The following SYN3 variants were observed in gnomAD, a reference collection of about 807,000 sequenced individuals.
SYN3 encodes synapsin III.
SYN3 carries 35 observed loss-of-function variants against 65.8 expected under a neutral mutation model. The observed-to-expected ratio is 0.53, with a 90% CI of 0.41 to 0.70. The LOEUF is 0.70. SYN3 is among the 30% of genes least tolerant of loss of function. SYN3 has a pLI of 0.00. For missense variants in SYN3, 680 were observed against 749.0 expected, an observed-to-expected ratio of 0.91 and a Z score of 1.08; for synonymous variants, 270 against 292.9, an observed-to-expected ratio of 0.92 and a Z score of 0.80.
chr22:32,815,997 C>T (rs1308200791), intron 6 of SYN3, among the ~76,000 whole-genome samples: 2 of 152,162 alleles, frequency 1.3e-5, no homozygotes, highest in Non-Finnish European at 2.9e-5. Flanking sequence ...AGGAACAGAA[C>T]AGGGAGGTTT....
chr22:32,676,549 T>C (rs1258184376), intron 6 of SYN3, among the ~76,000 whole-genome samples: 2 of 114,600 alleles, frequency 1.7e-5, no homozygotes, highest in Non-Finnish European at 3.7e-5. Context: ...TTTTTTTTTT[T>C]TTTTTTTTGA....
chr22:32,782,256 C>T (rs187717632), intron 6 of SYN3, among the ~76,000 whole-genome samples: 5 of 151,654 alleles, frequency 3.3e-5, no homozygotes, highest in East Asian at 2.0e-4. Context: ...TTAATAGAGA[C>T]GGGGTTTTAC....
chr22:32,602,394 C>T (rs567904554), intron 6 of SYN3, among the ~76,000 whole-genome samples: 3 of 152,270 alleles, frequency 2.0e-5, no homozygotes, highest in African/African-American at 4.8e-5. Context: ...ACACTGTATA[C>T]ACCCCTCCTC....
At chr22:32,763,607 A>G (rs2045545633) in intron 6 of SYN3, among the ~76,000 whole-genome samples, 1 of 152,220 alleles carries the variant, frequency 6.6e-6, no homozygotes, top group Non-Finnish European at 1.5e-5. Flanking sequence ...GACAGTCTGC[A>G]TGCTGGTAGC....
intron 6 of SYN3, among the ~76,000 whole-genome samples, chr22:32,767,015 C>T (rs2045643896): frequency 1.3e-5 from 2 of 152,168 alleles, no homozygotes; most frequent in South Asian, 2.1e-4. Flanking sequence ...GTTCTTACAT[C>T]TCTCCCTCCC....
intron 6 of SYN3, among the ~76,000 whole-genome samples, chr22:32,598,790 AG>A (rs756948007): frequency 3.3e-5 from 5 of 151,278 alleles, no homozygotes; most frequent in Middle Eastern, 3.4e-3. Context: ...GCCCAGCCAT[AG>A]TTTTTTTTTT....
intron 3 of SYN3, among the ~76,000 whole-genome samples, chr22:32,939,338 G>C (rs868532112): frequency 6.6e-6 from 1 of 152,138 alleles, no homozygotes; most frequent in Non-Finnish European, 1.5e-5. Flanking sequence ...AGGTAAGGAT[G>C]TACATTTTAA....
At chr22:32,682,772 G>A (rs990406360) in intron 6 of SYN3, among the ~76,000 whole-genome samples, 2 of 151,998 alleles carry the variant, frequency 1.3e-5, no homozygotes, top group Admixed American at 1.3e-4. Context: ...TTCACCAATA[G>A]GGTGGATGCC....
intron 6 of SYN3, among the ~76,000 whole-genome samples, chr22:32,650,236 TCCCTCCC>T (rs2060045223): frequency 1.1e-4 from 9 of 82,056 alleles, no homozygotes; most frequent in South Asian, 9.2e-4. Flanking sequence ...TCTCTCTCCC[TCCCTCCC>T]TCCCTCCCTC....
chr22:32,759,877 CACCCACCAACCAGCAGCCAGT>C (rs1226700281), intron 6 of SYN3, among the ~76,000 whole-genome samples: 3 of 83,408 alleles, frequency 3.6e-5, no homozygotes, highest in Non-Finnish European at 5.0e-5. Context: ...CCCCAGCCAG[CACCCACCAACCAGCAGCCAGT>C]ACCCACCCAC....
intron 6 of SYN3, chr22:32,857,213 G>A (rs767291085): frequency 1.9e-6 from 3 of 1,545,394 alleles, no homozygotes; most frequent in Non-Finnish European, 2.7e-6. Context: ...GTCCAAACTG[G>A]GAAAGAAGAA....
rs2057658957 is a variant in SYN3, at chr22:32,508,676, TG to T, written c.*5015del. Among the ~76,000 whole-genome samples, 2 of 152,238 alleles carry T rather than the reference TG, an allele frequency of 1.3e-5. No homozygotes were observed. The highest frequency in any genetic ancestry group is 4.8e-5 in the African/African-American group (2 of 41,456). The stretch of plus-strand genomic sequence containing the variant: ...TTGTTTGATTCTGTTCCTGGGCAAG[TG>T]ACTTCCATATATTGATACTCTTAGA... On this transcript the variant is annotated 3_prime_UTR_variant, in exon 14 of 14. Transcript: ENST00000358763.
intron 6 of SYN3, chr22:32,849,675 G>A: frequency 1.3e-6 from 1 of 787,032 alleles, no homozygotes; most frequent in Non-Finnish European, 2.2e-6. Flanking sequence ...CTGCTGGAGA[G>A]GGAGCTGCTA....
At chr22:32,909,584 C>T (rs2049994192) in intron 4 of SYN3, among the ~76,000 whole-genome samples, 1 of 152,168 alleles carries the variant, frequency 6.6e-6, no homozygotes, top group African/African-American at 2.4e-5. Context: ...TTTTAAAAGA[C>T]ACTCTAATTC....
intron 4 of SYN3, among the ~76,000 whole-genome samples, chr22:32,882,692 T>C (rs2049174276): frequency 6.6e-6 from 1 of 151,564 alleles, no homozygotes; most frequent in South Asian, 2.1e-4. Flanking sequence ...CTCTGTACTT[T>C]TTCTAGCCTT....
At chr22:32,785,123 A>G (rs538869243) in intron 6 of SYN3, 1 of 151,712 alleles carries the variant, frequency 6.6e-6, no homozygotes, top group South Asian at 2.1e-4. Flanking sequence ...AGGTGAATGC[A>G]TATAGTCTGT....
At chr22:32,850,273 A>G (rs925832680) in intron 6 of SYN3, among the ~76,000 whole-genome samples, 7 of 151,898 alleles carry the variant, frequency 4.6e-5, no homozygotes, top group Admixed American at 2.0e-4. Context: ...TAGCCTGCTT[A>G]CCTTGGGCTT....
chr22:32,893,605 C>T (rs919056851), intron 4 of SYN3, among the ~76,000 whole-genome samples: 7 of 152,126 alleles, frequency 4.6e-5, no homozygotes, highest in Non-Finnish European at 7.4e-5. Context: ...GAGTGACTGT[C>T]CACGTGTGGG....
intron 6 of SYN3, among the ~76,000 whole-genome samples, chr22:32,650,286 A>T (rs2060050409): frequency 9.9e-6 from 1 of 100,732 alleles, no homozygotes; most frequent in African/African-American, 4.2e-5. Flanking sequence ...TTTCTTTTTG[A>T]GACAGAGTCT....
Sources: allele counts gnomAD v4.1 joint callset (sites outside exome capture counted in the v4.1 genomes callset), GRCh38; gene constraint gnomAD v4.1.1; transcripts MANE v1.5; gene names NCBI Gene and HGNC (gene_info 2026-07-23, HGNC 2026-07-21).